Variants in AMZ2 observed in about 807,000 individuals in gnomAD.
The protein encoded by AMZ2 is archaemetzincin-2.
In AMZ2, 26 loss-of-function variants were observed where a neutral mutation model predicts 36.7. The ratio of observed to expected loss-of-function variants is 0.71; its 90% CI spans 0.52 to 0.98. The LOEUF (loss-of-function observed/expected upper bound fraction) is 0.98. Ranked by LOEUF, AMZ2 falls within the 50% of genes least tolerant of loss-of-function variation. AMZ2 has a pLI of 0.00. For missense variants in AMZ2, 394 were observed against 430.5 expected (o/e 0.92, Z 0.75); for synonymous variants, 144 against 149.1 (o/e 0.97, Z 0.25).
intron 1 of AMZ2, among the ~76,000 whole-genome samples, chr17:68,211,529 TG>T (rs2073045511): frequency 6.6e-6 from 1 of 150,972 alleles, no homozygotes; most frequent in Admixed American, 6.6e-5. Context: ...AAAAATGTTT[TG>T]GAATTAAATA....
intron 1 of AMZ2, among the ~76,000 whole-genome samples, chr17:68,231,068 C>CA (rs1471531792): frequency 3.4e-5 from 5 of 146,650 alleles, no homozygotes; most frequent in African/African-American, 5.0e-5. Context: ...TTTTTAATTT[C>CA]TTTTTTTTTT....
intron 6 of AMZ2, among the ~76,000 whole-genome samples, chr17:68,256,298 A>G (rs2074900025): frequency 1.3e-5 from 2 of 152,334 alleles, no homozygotes; most frequent in Middle Eastern, 3.4e-3. Flanking sequence ...GAAGGAAAGT[A>G]CCTAATCTCA....
intron 6 of AMZ2, 89 bp downstream of exon 6, chr17:68,255,965 T>A: frequency 7.5e-7 from 1 of 1,329,486 alleles, no homozygotes; most frequent in East Asian, 2.4e-5. Flanking sequence ...TCTGGAGTTA[T>A]AATTTATCAG....
intron 1 of AMZ2, chr17:68,249,759 G>A (rs2074304382): frequency 5.9e-6 from 1 of 170,256 alleles, no homozygotes; most frequent in Non-Finnish European, 1.3e-5. Context: ...TGATTCTCCT[G>A]TCTCAGCCTC....
chr17:68,240,655 C>A (rs1400761584), intron 1 of AMZ2, among the ~76,000 whole-genome samples: 3 of 152,096 alleles, frequency 2.0e-5, no homozygotes, highest in African/African-American at 7.2e-5. Context: ...AAGGTTCAGG[C>A]TAAGGCACAT....
upstream of AMZ2, among the ~76,000 whole-genome samples, chr17:68,245,339 C>A (rs1451778301): frequency 6.6e-6 from 1 of 151,968 alleles, no homozygotes; most frequent in African/African-American, 2.4e-5. Context: ...CTAGGCTCAA[C>A]CCATCCTCCC....
intron 1 of AMZ2, among the ~76,000 whole-genome samples, chr17:68,214,265 C>T (rs1350808624): frequency 1.3e-5 from 2 of 152,096 alleles, no homozygotes; most frequent in African/African-American, 4.8e-5. Context: ...GGGGAAATCC[C>T]TCTTGTCAGT....
chr17:68,246,596 A>G (rs1684742079), upstream of AMZ2: 1 of 152,172 alleles, frequency 6.6e-6, no homozygotes, highest in Admixed American at 6.5e-5. Flanking sequence ...GCGCATCGGT[A>G]TTCTCAACTT....
At chr17:68,231,469 A>G (rs2073663312) in intron 1 of AMZ2, among the ~76,000 whole-genome samples, 1 of 74,922 alleles carries the variant, frequency 1.3e-5, no homozygotes, top group Non-Finnish European at 2.4e-5. Context: ...CTTGTATCCT[A>G]AAGGTCAAAA....
chr17:68,207,468 A>T (rs1250859999), intron 1 of AMZ2: 2 of 152,112 alleles, frequency 1.3e-5, no homozygotes, highest in Non-Finnish European at 2.9e-5. Context: ...TAAAAGCATT[A>T]AAAAAATAAA....
chr17:68,248,110 G>T lies in AMZ2; in HGVS notation c.-596G>T, dbSNP rs1254250954. ...GGGTGGGTGGTATCGAGGCCTGTCG[G>T]GTCAGGGCGGTTCGCGGGTGCTGTC... On this transcript the variant is annotated 5_prime_UTR_variant, in exon 1 of 7. Coordinates refer to ENST00000359904, the MANE Select transcript of AMZ2 (RefSeq NM_016627.5). 12 of 986,282 alleles carry T rather than the reference G, an allele frequency of 1.2e-5. No homozygotes were observed. Among genetic ancestry groups the T allele is most frequent in the Non-Finnish European group, 1.4e-5 (12 of 830,594 alleles). 61.1% of individuals were successfully genotyped at this position (986,282 alleles called of 1,614,324 possible). A position where few individuals can be genotyped will look rare whatever the true frequency, so the allele number is the denominator to read the frequency against.
In AMZ2 at chr17:68,217,119, G is replaced by A. The variant is rs534486793; in HGVS notation, c.-67+10881G>A. Among the ~76,000 whole-genome samples the A allele has an allele frequency of 2.5e-4, 38 of 151,528 alleles. 1 individual carries two copies. In the South Asian group the frequency reaches 7.3e-3, roughly 29 times the overall value. ...CTAAGTGGCCTTTCAGAAAAGTTCT[G>A]TTTCCTGATATATCAGTATCAATAT... On this transcript the variant is annotated intron_variant, in intron 1 of 7. Transcript: ENST00000674770.
At chr17:68,250,587 A>G (rs2074381499) in intron 2 of AMZ2, 117 bp downstream of exon 2, 3 of 1,371,672 alleles carry the variant, frequency 2.2e-6, no homozygotes, top group Admixed American at 2.4e-5. Flanking sequence ...TTTGATATTC[A>G]TTGCGGCGGT....
At chr17:68,232,283 G>T (rs1749428930) in intron 1 of AMZ2, among the ~76,000 whole-genome samples, 1 of 151,952 alleles carries the variant, frequency 6.6e-6, no homozygotes, top group Non-Finnish European at 1.5e-5. Context: ...GATCACTGGA[G>T]CCCAGGAGTA....
At chr17:68,255,196 A>G (rs145906030) in intron 5 of AMZ2, among the ~76,000 whole-genome samples, 28 of 152,318 alleles carry the variant, frequency 1.8e-4, no homozygotes, top group African/African-American at 6.7e-4. Context: ...TCTCATTAGC[A>G]TGCAGATCAA....
At chr17:68,253,754 A>G (rs2074671595) in intron 4 of AMZ2, among the ~76,000 whole-genome samples, 1 of 112,700 alleles carries the variant, frequency 8.9e-6, no homozygotes, top group Admixed American at 1.0e-4. Flanking sequence ...CCTATTGTTC[A>G]TGTGATTTTT....
intron 2 of AMZ2, 119 bp downstream of exon 2, chr17:68,250,589 T>G: frequency 7.3e-7 from 1 of 1,366,346 alleles, no homozygotes; most frequent in Non-Finnish European, 9.9e-7. Flanking sequence ...TGATATTCAT[T>G]GCGGCGGTAC....
At chr17:68,219,287 C>A (rs1442136423) in intron 1 of AMZ2, among the ~76,000 whole-genome samples, 13 of 152,114 alleles carry the variant, frequency 8.5e-5, no homozygotes, top group African/African-American at 4.8e-5. Context: ...TTCTAACCGG[C>A]CTTCCCTTCC....
intron 1 of AMZ2, among the ~76,000 whole-genome samples, chr17:68,211,502 TAA>T (rs1180012967): frequency 3.0e-5 from 4 of 132,934 alleles, no homozygotes; most frequent in Admixed American, 7.7e-5. Context: ...GATTCCGTCT[TAA>T]AAAAAAAAAA....
Sources: allele counts gnomAD v4.1 joint callset (sites outside exome capture counted in the v4.1 genomes callset), GRCh38; gene constraint gnomAD v4.1.1; transcripts MANE v1.5; gene names NCBI Gene and HGNC (gene_info 2026-07-23, HGNC 2026-07-21).